ALK: variants seen among roughly 807,000 people sequenced by gnomAD.
The protein encoded by ALK is ALK tyrosine kinase receptor.
ALK carries 74 observed loss-of-function variants against 163.1 expected under a neutral mutation model. The observed-to-expected ratio is 0.45, with a 90% CI of 0.38 to 0.55. The LOEUF (loss-of-function observed/expected upper bound fraction) is 0.55, where lower values mean the gene tolerates loss of function less well. ALK is among the 20% of genes least tolerant of loss of function. The probability of loss-of-function intolerance (pLI) is 0.00; values close to 1 mark genes in which losing one functional copy is unlikely to be tolerated. For synonymous variants in ALK, 960 were observed against 843.2 expected, an observed-to-expected ratio of 1.14 and a Z score of -2.40; for missense variants, 2,063 against 2,105.3, an observed-to-expected ratio of 0.98 and a Z score of 0.39.
chr2:29,215,820 C>T (rs1669589117), intron 23 of ALK, among the ~76,000 whole-genome samples: 1 of 152,254 alleles, frequency 6.6e-6, no homozygotes, highest in South Asian at 2.1e-4. Flanking sequence ...CTGCTGGCCT[C>T]TTCCAGGCCA....
chr2:29,299,540 GA>G (rs1457128553), intron 8 of ALK, among the ~76,000 whole-genome samples: 3 of 152,156 alleles, frequency 2.0e-5, no homozygotes, highest in Non-Finnish European at 4.4e-5. Flanking sequence ...TATTCTCTAA[GA>G]TGAGAATAGT....
At chr2:29,806,736 A>G (rs76845398) in intron 1 of ALK, among the ~76,000 whole-genome samples, 681 of 152,302 alleles carry the variant, frequency 4.5e-3, no homozygotes, top group Non-Finnish European at 6.6e-3. Context: ...AGATGGGGAA[A>G]TGGCTGATTC....
intron 4 of ALK, among the ~76,000 whole-genome samples, chr2:29,394,931 G>A (rs1010139212): frequency 3.3e-5 from 5 of 151,392 alleles, no homozygotes; most frequent in Non-Finnish European, 7.4e-5. Flanking sequence ...CATTGAAACT[G>A]AAATGTGGCC....
At chr2:29,671,827 T>C (rs1421133606) in intron 3 of ALK, among the ~76,000 whole-genome samples, 7 of 152,050 alleles carry the variant, frequency 4.6e-5, no homozygotes, top group African/African-American at 1.4e-4. Context: ...ACCAGCTTGC[T>C]TCTACACCAC....
chr2:29,598,106 C>T, intron 3 of ALK, among the ~76,000 whole-genome samples: 1 of 152,234 alleles, frequency 6.6e-6, no homozygotes, highest in East Asian at 1.9e-4. Flanking sequence ...TGGCTCACTG[C>T]AACCTCTGCC....
chr2:29,891,287 A>C (rs1667138002), intron 1 of ALK, among the ~76,000 whole-genome samples: 1 of 152,180 alleles, frequency 6.6e-6, no homozygotes, highest in South Asian at 2.1e-4. Flanking sequence ...AGGCATGCAC[A>C]GTTTAAGGAT....
At chr2:29,450,917 A>G (rs1328137348) in intron 4 of ALK, among the ~76,000 whole-genome samples, 1 of 151,960 alleles carries the variant, frequency 6.6e-6, no homozygotes, top group African/African-American at 2.4e-5. Flanking sequence ...ATGAAGTGAG[A>G]GTCCGTGGGG....
chr2:29,658,822 T>C (rs190261137), intron 3 of ALK, among the ~76,000 whole-genome samples: 1 of 152,308 alleles, frequency 6.6e-6, no homozygotes, highest in Admixed American at 6.5e-5. Context: ...ACCCCTAGAA[T>C]AGACCAAGAT....
chr2:29,769,862 T>C (rs916149522), intron 1 of ALK, among the ~76,000 whole-genome samples: 19 of 152,208 alleles, frequency 1.2e-4, no homozygotes, highest in African/African-American at 4.6e-4. Flanking sequence ...TGATAGCCAA[T>C]TGATTGAACA....
intron 1 of ALK, among the ~76,000 whole-genome samples, chr2:29,850,876 C>T (rs1385879931): frequency 2.6e-5 from 4 of 152,154 alleles, no homozygotes; most frequent in Non-Finnish European, 5.9e-5. Context: ...AGCTACCCAC[C>T]CTCTAAGCCA....
intron 4 of ALK, among the ~76,000 whole-genome samples, chr2:29,480,698 G>A (rs1270984623): frequency 6.6e-6 from 1 of 151,186 alleles, no homozygotes; most frequent in Non-Finnish European, 1.5e-5. Context: ...AAGTGGGGCT[G>A]GCTGGCTCAG....
chr2:29,799,973 C>A (rs1664422902), intron 1 of ALK, among the ~76,000 whole-genome samples: 1 of 152,180 alleles, frequency 6.6e-6, no homozygotes, highest in African/African-American at 2.4e-5. Flanking sequence ...TGGCACTGTG[C>A]CGCATTAGGG....
intron 6 of ALK, among the ~76,000 whole-genome samples, chr2:29,328,034 G>A (rs1307221842): frequency 6.6e-6 from 1 of 152,108 alleles, no homozygotes; most frequent in Non-Finnish European, 1.5e-5. Context: ...GGGAAGTCTG[G>A]GCATAGAGGA....
At chr2:29,891,730 A>G (rs1020043884) in intron 1 of ALK, among the ~76,000 whole-genome samples, 1 of 152,142 alleles carries the variant, frequency 6.6e-6, no homozygotes, top group African/African-American at 2.4e-5. Flanking sequence ...ATCAGTTCAC[A>G]CTTCCCTGGG....
chr2:29,410,156 G>C (rs188437722), intron 4 of ALK, among the ~76,000 whole-genome samples: 1 of 152,012 alleles, frequency 6.6e-6, no homozygotes, highest in Non-Finnish European at 1.5e-5. Context: ...AAACCTAGAC[G>C]GTGTGAAAGG....
At chr2:29,359,601 G>A (rs1344830818) in intron 5 of ALK, among the ~76,000 whole-genome samples, 1 of 152,204 alleles carries the variant, frequency 6.6e-6, no homozygotes, top group African/African-American at 2.4e-5. Context: ...GGTAATTTAT[G>A]GCTGTTCCAC....
chr2:29,206,801 A>G (rs1222420705), intron 26 of ALK, among the ~76,000 whole-genome samples: 2 of 143,606 alleles, frequency 1.4e-5, no homozygotes, highest in Non-Finnish European at 3.1e-5. Context: ...GTGTGTGTGT[A>G]TGTATGTGTA....
intron 19 of ALK, chr2:29,223,984 C>G (rs1663831979): frequency 3.3e-6 from 1 of 304,840 alleles, no homozygotes; most frequent in South Asian, 6.1e-5. Context: ...CCCTGGGTGC[C>G]ATGGAGCCTA....
At chr2:29,207,952 GAGTGTGTTAC>G in intron 25 of ALK, 1 of 420,998 alleles carries the variant, frequency 2.4e-6, no homozygotes, top group East Asian at 7.4e-5. Flanking sequence ...TCTCCTGTGT[GAGTGTGTTAC>G]AGGAAGCAGC....
Sources: allele counts gnomAD v4.1 joint callset (sites outside exome capture counted in the v4.1 genomes callset), GRCh38; gene constraint gnomAD v4.1.1; transcripts MANE v1.5; gene names NCBI Gene and HGNC (gene_info 2026-07-23, HGNC 2026-07-21).